OSCP1: variants seen among roughly 807,000 people sequenced by gnomAD.
OSCP1 encodes protein OSCP1.
OSCP1 carries 35 observed loss-of-function variants against 45.1 expected under a neutral mutation model. That is an observed-to-expected ratio of 0.78 (90% CI 0.59 to 1.03). The LOEUF (loss-of-function observed/expected upper bound fraction) is 1.03. Ranked by LOEUF, OSCP1 falls within the 50% of genes least tolerant of loss-of-function variation. The pLI, the probability that OSCP1 is intolerant of heterozygous loss-of-function variation, is 0.00. For synonymous variants in OSCP1, 179 were observed against 180.1 expected, an observed-to-expected ratio of 0.99 and a Z score of 0.05; for missense variants, 400 against 470.7, an observed-to-expected ratio of 0.85 and a Z score of 1.39.
chr1:36,418,859 T>A, intron 9 of OSCP1, 132 bp downstream of exon 9: 1 of 680,096 alleles, frequency 1.5e-6, no homozygotes, highest in Non-Finnish European at 2.5e-6. Flanking sequence ...ACCTGGGAGG[T>A]GGAAGTTGCG....
rs373258386 is a variant in OSCP1 at position 36,438,845 on chromosome 1, C to T, written c.178G>A (p.Glu60Lys). The T allele has an allele frequency of 1.2e-5, 20 of 1,614,056 alleles. No homozygotes were observed. The highest frequency in any genetic ancestry group is 1.7e-5 in the Non-Finnish European group (20 of 1,180,032). The part of the protein sequence containing the change: ...KFMEELFKPQ[E>K]LYSKKALRTV... ...CTCAGGGCCTTCTTGGAGTAGAGCT[C>T]TTGAGGCTTGAATAATTCCTCCATA... Residue 60 changes from glutamate to lysine, a missense_variant, in exon 2 of 10, where the codon GAG (glutamate) becomes AAG (lysine). Physicochemically the swap from Glu to Lys is moderately conservative, Grantham distance 56 (BLOSUM62 1). Coordinates refer to ENST00000235532, the MANE Select transcript of OSCP1 (RefSeq NM_145047.5).
intron 2 of OSCP1, among the ~76,000 whole-genome samples, chr1:36,435,091 C>CTTTCTTTTTTTTTTT (rs1648627315): frequency 8.0e-6 from 1 of 125,748 alleles, no homozygotes; most frequent in African/African-American, 3.0e-5. Flanking sequence ...TTTTCTTTTT[C>CTTTCTTTTTTTTTTT]TTTTTTTTTT....
intron 2 of OSCP1, among the ~76,000 whole-genome samples, chr1:36,433,477 G>C (rs190613082): frequency 6.6e-5 from 10 of 152,022 alleles, no homozygotes; most frequent in Admixed American, 4.6e-4. Flanking sequence ...ATAGAAACTG[G>C]GGACTGCAAG....
intron 4 of OSCP1, among the ~76,000 whole-genome samples, chr1:36,427,256 T>A (rs1411731524): frequency 6.7e-6 from 1 of 149,102 alleles, no homozygotes; most frequent in South Asian, 2.1e-4. Flanking sequence ...TGCCTTGGCC[T>A]CCCAAAGTGT....
intron 2 of OSCP1, among the ~76,000 whole-genome samples, chr1:36,436,347 T>C (rs1482547243): frequency 1.3e-5 from 2 of 151,552 alleles, no homozygotes; most frequent in African/African-American, 4.9e-5. Context: ...CTTGACCTCA[T>C]GATCCACCCG....
intron 4 of OSCP1, among the ~76,000 whole-genome samples, chr1:36,426,734 C>T (rs1045269983): frequency 1.3e-5 from 2 of 152,192 alleles, no homozygotes; most frequent in Non-Finnish European, 1.5e-5. Context: ...AAGGCAGCAT[C>T]TTGCTCTGTA....
chr1:36,419,972 C>T (rs947635019), intron 8 of OSCP1, among the ~76,000 whole-genome samples: 5 of 150,668 alleles, frequency 3.3e-5, no homozygotes, highest in African/African-American at 9.8e-5. Context: ...ACCATCACAC[C>T]GTCTCTTTTT....
intron 4 of OSCP1, among the ~76,000 whole-genome samples, chr1:36,427,367 A>G (rs1192758544): frequency 6.8e-6 from 1 of 146,586 alleles, no homozygotes; most frequent in Non-Finnish European, 1.5e-5. Flanking sequence ...ACATGATCAT[A>G]GCTTACTGCA....
chr1:36,432,761 C>T (rs779512013), intron 2 of OSCP1, among the ~76,000 whole-genome samples, 172 bp from the exon 3 acceptor site: 2 of 152,268 alleles, frequency 1.3e-5, no homozygotes, highest in East Asian at 3.9e-4. Context: ...AGAGTCAAGG[C>T]GGGTGCTTTT....
chr1:36,421,884 G>A (rs10493074), intron 7 of OSCP1: 15,723 of 517,406 alleles, frequency 0.03, 1,599 homozygotes, highest in African/African-American at 0.24. Context: ...CTGGTACTAC[G>A]CTACTGCATA....
At chr1:36,425,088 G>A (rs1482474546) in intron 4 of OSCP1, among the ~76,000 whole-genome samples, 1 of 150,686 alleles carries the variant, frequency 6.6e-6, no homozygotes, top group East Asian at 2.0e-4. Context: ...CACGAGAATC[G>A]CTTGAACCCC....
At chr1:36,430,463 G>A (rs1272847642) in intron 4 of OSCP1, among the ~76,000 whole-genome samples, 2 of 152,098 alleles carry the variant, frequency 1.3e-5, no homozygotes, top group African/African-American at 2.4e-5. Context: ...CAGGATGGTG[G>A]CAACAGGGAT....
chr1:36,428,575 A>G (rs2124784193), intron 4 of OSCP1: 1 of 1,383,402 alleles, frequency 7.2e-7, no homozygotes, highest in South Asian at 1.7e-5. Context: ...TGAAGAAACT[A>G]AGACTTAAGA....
intron 4 of OSCP1, chr1:36,428,410 C>G: frequency 6.2e-7 from 1 of 1,614,094 alleles, no homozygotes; most frequent in Non-Finnish European, 8.5e-7. Flanking sequence ...TATAGTTCCC[C>G]ACTCCTGGAA....
intron 1 of OSCP1, among the ~76,000 whole-genome samples, chr1:36,443,129 A>G (rs1431878424): frequency 5.9e-5 from 9 of 151,962 alleles, no homozygotes; most frequent in Non-Finnish European, 8.8e-5. Context: ...ATGCCCAGGT[A>G]ATTTTTGTAT....
chr1:36,430,802 T>C (rs942169338), intron 4 of OSCP1, among the ~76,000 whole-genome samples: 2 of 152,060 alleles, frequency 1.3e-5, no homozygotes, highest in African/African-American at 4.8e-5. Context: ...CTACAGGTGC[T>C]TGCCACCATG....
intron 1 of OSCP1, among the ~76,000 whole-genome samples, chr1:36,449,160 T>A (rs1231825340): frequency 6.6e-6 from 1 of 152,226 alleles, no homozygotes; most frequent in Non-Finnish European, 1.5e-5. Context: ...GCCATGTCAA[T>A]TGCCTTTTCA....
rs138742515 is a variant in OSCP1 at position 36,441,437 on chromosome 1, G to T, written c.113-2527C>A. On this transcript the variant is annotated intron_variant, in intron 1 of 9. Transcript: ENST00000235532. ...CACATCATCTTTAGGTTAAACCTGA[G>T]AAATAGTTTTTTTAAAAAATTTAAT... 4.0e-4 allele frequency among the ~76,000 whole-genome samples: 61 copies of T among 152,258 alleles called. 1 individual carries two copies. The East Asian group carries it at 0.01, about 26-fold the overall frequency.
intron 9 of OSCP1, 62 bp downstream of exon 9, chr1:36,418,929 G>GAA (rs556476081): frequency 2.1e-3 from 2,259 of 1,066,196 alleles, no homozygotes; most frequent in South Asian, 2.8e-3. Flanking sequence ...CCTGTCTCAA[G>GAA]AAAAAAAAAA....
Sources: allele counts gnomAD v4.1 joint callset (sites outside exome capture counted in the v4.1 genomes callset), GRCh38; gene constraint gnomAD v4.1.1; transcripts MANE v1.5; gene names NCBI Gene and HGNC (gene_info 2026-07-23, HGNC 2026-07-21).